HPS3: variants seen among roughly 807,000 people sequenced by gnomAD.
HPS3 encodes the protein BLOC-2 complex member HPS3.
Under a neutral mutation model 110.9 loss-of-function variants are expected in HPS3, and 79 were observed. The observed-to-expected ratio is 0.71, with a 90% CI of 0.59 to 0.86. The LOEUF is 0.86. Ranked by LOEUF, HPS3 falls within the 40% of genes least tolerant of loss-of-function variation. The pLI is 0.00. For missense variants in HPS3, 1,197 were observed against 1,206.2 expected (o/e 0.99, Z 0.11); for synonymous variants, 428 against 451.0 (o/e 0.95, Z 0.65).
Position 149,129,787 on chromosome 3 carries a change from C to T in HPS3, c.64C>T (p.Pro22Ser), listed in dbSNP as rs867504860. The T allele has an allele frequency of 1.9e-6, 3 of 1,609,320 alleles. No homozygotes were observed. Among genetic ancestry groups the T allele is most frequent in the Non-Finnish European group, 2.5e-6 (3 of 1,179,214 alleles). ...SQQVVPCKLE[P>S]DRFCGGGRDA... ...GCAGGTGGTGCCCTGCAAGCTGGAG[C>T]CGGACCGGTTCTGTGGCGGGGGGCG... Residue 22 changes from proline (P) to serine (S), a missense_variant, in exon 1 of 17, where the codon CCG becomes TCG. Physicochemically the swap from Pro to Ser is moderately conservative, Grantham distance 74. Transcript: ENST00000296051.
chr3:149,163,955 T>G lies in HPS3; in HGVS notation c.2589+6T>G. The G allele has an allele frequency of 7.9e-7, 1 of 1,269,534 alleles. No individual in the cohort carries two copies. The highest frequency in any genetic ancestry group is 2.0e-4 in the Middle Eastern group (1 of 4,990). 78.6% of individuals were successfully genotyped at this position (1,269,534 alleles called of 1,614,324 possible). ...AAGATCTTTCAAAATTACAGGTAAG[T>G]AAAAATACCTCCTTTTCTTATGAAA... On this transcript the variant is annotated splice_donor_region_variant and intron_variant, in intron 14 of 16. Coordinates refer to ENST00000296051, the MANE Select transcript of HPS3 (RefSeq NM_032383.5).
chr3:149,134,375 TGAGA>T (rs1341320390), intron 1 of HPS3, among the ~76,000 whole-genome samples: 5 of 151,238 alleles, frequency 3.3e-5, no homozygotes, highest in Non-Finnish European at 7.4e-5. Flanking sequence ...TGTGTGTGTG[TGAGA>T]GAGAGAAAGA....
rs56694560 is a variant in HPS3, at chr3:149,146,493, G to T, written c.1163+947G>T. ...TTGAAAGAGATGTGCATTATAGATT[G>T]AAGGAAGACTATAAACAAAAACTGT... On this transcript the variant is annotated intron_variant, in intron 5 of 16. Coordinates refer to ENST00000296051, the MANE Select transcript of HPS3 (RefSeq NM_032383.5). Among the ~76,000 whole-genome samples the T allele has an allele frequency of 4.9e-3, 744 of 152,302 alleles. 6 individuals carry two copies. The highest frequency in any genetic ancestry group is 0.016 in the African/African-American group (666 of 41,556).
intron 4 of HPS3, among the ~76,000 whole-genome samples, chr3:149,142,050 A>G (rs933757979): frequency 1.3e-5 from 2 of 151,506 alleles, no homozygotes; most frequent in Non-Finnish European, 2.9e-5. Context: ...GGGTTTCTCC[A>G]TGTTGGTCAG....
intron 14 of HPS3, among the ~76,000 whole-genome samples, chr3:149,165,187 T>C (rs942570700): frequency 6.6e-6 from 1 of 152,220 alleles, no homozygotes; most frequent in African/African-American, 2.4e-5. Flanking sequence ...GAGCATGTGC[T>C]GTAGATGTAT....
At chr3:149,142,558 T>C (rs1167502565) in intron 4 of HPS3, among the ~76,000 whole-genome samples, 1 of 152,228 alleles carries the variant, frequency 6.6e-6, no homozygotes, top group Non-Finnish European at 1.5e-5. Flanking sequence ...GAATCACTAA[T>C]AGGCCCTGCA....
chr3:149,170,444 T>TG (rs1179097966), intron 16 of HPS3: 4 of 152,244 alleles, frequency 2.6e-5, no homozygotes, highest in Non-Finnish European at 4.4e-5. Flanking sequence ...TCTGATTTTA[T>TG]GTCAGATGTG....
chr3:149,130,644 G>T (rs942637786), intron 1 of HPS3, among the ~76,000 whole-genome samples: 12 of 152,124 alleles, frequency 7.9e-5, no homozygotes, highest in Non-Finnish European at 5.9e-5. Flanking sequence ...GCCGGACGTG[G>T]TGGTGGGCGC....
intron 14 of HPS3, among the ~76,000 whole-genome samples, chr3:149,164,321 G>C (rs1376539474): frequency 6.6e-6 from 1 of 152,100 alleles, no homozygotes; most frequent in Non-Finnish European, 1.5e-5. Context: ...ACACATTTTA[G>C]GTCTCTAACC....
chr3:149,143,595 A>T (rs944103107), intron 4 of HPS3, among the ~76,000 whole-genome samples: 1 of 152,208 alleles, frequency 6.6e-6, no homozygotes, highest in African/African-American at 2.4e-5. Context: ...TGAATAGACG[A>T]ATGGATGGGT....
chr3:149,152,767 A>G (rs1204635053), intron 6 of HPS3, among the ~76,000 whole-genome samples: 2 of 152,350 alleles, frequency 1.3e-5, no homozygotes, highest in Middle Eastern at 3.4e-3. Flanking sequence ...GAATCAAAAC[A>G]GCATGCATGG....
intron 6 of HPS3, among the ~76,000 whole-genome samples, chr3:149,151,004 G>A (rs9834668): frequency 0.2 from 30,596 of 151,294 alleles, 3,406 homozygotes; most frequent in South Asian, 0.3. Context: ...TTATTTTTTT[G>A]ATTTTAACTT....
At chr3:149,144,091 T>C (rs1576670749) in intron 4 of HPS3, among the ~76,000 whole-genome samples, 1 of 152,118 alleles carries the variant, frequency 6.6e-6, no homozygotes, top group African/African-American at 2.4e-5. Flanking sequence ...TATAAAAAAT[T>C]TGTTGCCGGG....
Position 149,167,888 on chromosome 3 carries a change from G to A in HPS3, c.2797-5G>A. The A allele has an allele frequency of 6.4e-7, 1 of 1,562,536 alleles. No individual in the cohort carries two copies. Among genetic ancestry groups the A allele is most frequent in the South Asian group, 1.1e-5 (1 of 90,042 alleles). On this transcript the variant is annotated splice_polypyrimidine_tract_variant and splice_region_variant and intron_variant, in intron 15 of 16. Transcript: ENST00000296051. ...CTAAAATTTATTCATTTTTTCCTAA[G>A]ATAGACTCTGTGGTGGAAAAAACTG...
At chr3:149,149,230 T>C (rs1722962237) in intron 5 of HPS3, among the ~76,000 whole-genome samples, 1 of 151,902 alleles carries the variant, frequency 6.6e-6, no homozygotes, top group South Asian at 2.1e-4. Flanking sequence ...CCCAAAATGC[T>C]GGGATTACAG....
intron 4 of HPS3, among the ~76,000 whole-genome samples, chr3:149,144,045 T>C (rs1256590288): frequency 6.6e-6 from 1 of 152,138 alleles, no homozygotes; most frequent in South Asian, 2.1e-4. Context: ...TCTCTAAAAG[T>C]ATTCTTTTAC....
intron 16 of HPS3, among the ~76,000 whole-genome samples, chr3:149,169,039 G>A (rs1724714508): frequency 2.5e-5 from 3 of 119,454 alleles, no homozygotes; most frequent in African/African-American, 4.5e-5. Context: ...GTGTGCATAC[G>A]TGTGTGTGTG....
Position 149,129,859 on chromosome 3 carries a change from G to C in HPS3, c.136G>C (p.Val46Leu), listed in dbSNP as rs34757609. Reference sequence around the variant, plus strand: ...GGGCTGCAAGGTGGAGGCGTTCGCGGTGGCCGGCCAGGAGCTGTGCCAGCC... The same window carrying C: ...GGGCTGCAAGGTGGAGGCGTTCGCGCTGGCCGGCCAGGAGCTGTGCCAGCC... The part of the protein sequence containing the change: ...AAGCKVEAFA[V>L]AGQELCQPRC... Residue 46 changes from valine (V) to leucine (L), a missense_variant, in exon 1 of 17, where the codon GTG (valine) becomes CTG (leucine). By Grantham distance (32) the Val-to-Leu change is conservative. Coordinates refer to ENST00000296051, the MANE Select transcript of HPS3 (RefSeq NM_032383.5). 3.1e-6 allele frequency: 5 copies of C among 1,600,242 alleles called. No individual in the cohort carries two copies. The African/African-American group carries it at 6.7e-5, about 21-fold the overall frequency.
intron 16 of HPS3, 84 bp downstream of exon 16, chr3:149,168,067 ATT>A: frequency 1.2e-6 from 1 of 811,314 alleles, no homozygotes; most frequent in Non-Finnish European, 2.1e-6. Flanking sequence ...TTTTCATGTG[ATT>A]CTCAAGTGAA....
Sources: allele counts gnomAD v4.1 joint callset (sites outside exome capture counted in the v4.1 genomes callset), GRCh38; gene constraint gnomAD v4.1.1; transcripts MANE v1.5; gene names NCBI Gene and HGNC (gene_info 2026-07-23, HGNC 2026-07-21).